MAGI3: variants seen among roughly 807,000 people sequenced by gnomAD.
MAGI3 encodes the protein membrane-associated guanylate kinase, WW and PDZ domain-containing protein 3.
Under a neutral mutation model 121.8 loss-of-function variants are expected in MAGI3, and 43 were observed. The ratio of observed to expected loss-of-function variants is 0.35; its 90% confidence interval spans 0.28 to 0.46. The LOEUF is 0.46. MAGI3 is among the 20% of genes least tolerant of loss of function. The pLI is 1.00. For missense variants in MAGI3, 1,547 were observed against 1,797.3 expected, an observed-to-expected ratio of 0.86 and a Z score of 2.52; for synonymous variants, 553 against 639.3, an observed-to-expected ratio of 0.86 and a Z score of 2.04.
chr1:113,390,548 C>T lies in MAGI3; in HGVS notation c.-486C>T, dbSNP rs945816933. On this transcript the variant is annotated 5_prime_UTR_variant, in exon 1 of 21. Transcript: ENST00000307546. ...GGCAGCTTGGGCAGGCGTTGGTCTC[C>T]GCGCTACAGCTCCGCAGCGGCCACG... 5.3e-5 allele frequency among the ~76,000 whole-genome samples: 8 copies of T among 152,052 alleles called. No individual in the cohort carries two copies. The highest frequency in any genetic ancestry group is 1.9e-4 in the African/African-American group (8 of 41,428).
chr1:113,623,027 G>T, intron 9 of MAGI3, 33 bp downstream of exon 9: 1 of 1,410,058 alleles, frequency 7.1e-7, no homozygotes, highest in Non-Finnish European at 9.3e-7. Flanking sequence ...TTGAAGAGTA[G>T]TGATACTATA....
At position 113,573,642 on chromosome 1, in the gene MAGI3, G is replaced by T. The variant is rs538445944; in HGVS notation, c.434-6900G>T. Reference sequence around the variant, plus strand: ...ATGTGGTTGATTTTAGAATAAGTGTGATGTGCTGAGAAGAATGTATATTCT... The same window carrying T: ...ATGTGGTTGATTTTAGAATAAGTGTTATGTGCTGAGAAGAATGTATATTCT... On this transcript the variant is annotated intron_variant, in intron 2 of 20. Transcript: ENST00000307546. Among the ~76,000 whole-genome samples, 5 of 152,298 alleles carry T rather than the reference G, an allele frequency of 3.3e-5. No homozygotes were observed. In the South Asian group the frequency reaches 1.0e-3, roughly 32 times the overall value.
intron 10 of MAGI3, among the ~76,000 whole-genome samples, chr1:113,643,371 T>C (rs1233043364): frequency 7.9e-5 from 12 of 152,202 alleles, no homozygotes; most frequent in Admixed American, 7.2e-4. Flanking sequence ...TGGAATGTGC[T>C]CCAAGTAAGG....
Position 113,681,231 on chromosome 1 carries a change from C to T in MAGI3, c.3223C>T (p.Pro1075Ser). Residue 1075 changes from proline (P) to serine (S), a missense_variant, in exon 20 of 21, where the codon CCT becomes TCT. By Grantham distance (74) the Pro-to-Ser change is moderately conservative (BLOSUM62 -1). Transcript: ENST00000307546. ...CCAGATTGTTGAAATCAATGGGGAA[C>T]CTACACAAGGAATCACACATACTCG... is the stretch of plus-strand genomic sequence containing the variant. ...GDQIVEINGE[P>S]TQGITHTRAI... is the part of the protein sequence containing the mutation. 6.2e-7 allele frequency: 1 copy of T among 1,613,846 alleles called. No individual in the cohort carries two copies. Among genetic ancestry groups the T allele is most frequent in the East Asian group, 2.2e-5 (1 of 44,836 alleles).
chr1:113,617,560 G>A (rs1050768921), intron 7 of MAGI3, among the ~76,000 whole-genome samples: 8 of 152,000 alleles, frequency 5.3e-5, no homozygotes, highest in Non-Finnish European at 1.0e-4. Context: ...TTTAGGAAAA[G>A]GATTACTCAT....
At chr1:113,603,103 G>A (rs563984614) in intron 6 of MAGI3, among the ~76,000 whole-genome samples, 4 of 146,754 alleles carry the variant, frequency 2.7e-5, no homozygotes, top group Non-Finnish European at 5.9e-5. Context: ...AGCCCAATTC[G>A]AAATGAAAAT....
chr1:113,642,960 G>A lies in MAGI3; in HGVS notation c.1966+444G>A, dbSNP rs769136909. Among the ~76,000 whole-genome samples, 22 of 152,350 alleles carry A rather than the reference G, an allele frequency of 1.4e-4. 1 individual carries two copies. The highest frequency in any genetic ancestry group is 2.5e-4 in the Non-Finnish European group (17 of 68,036). On this transcript the variant is annotated intron_variant, in intron 10 of 20. Coordinates refer to ENST00000307546, the MANE Select transcript of MAGI3 (RefSeq NM_001142782.2). ...ATCTCTGTGGATAAGTAAAATGTTG[G>A]ATGGTGTATTAATCTGTTCTGCAGA...
At chr1:113,475,448 G>A (rs1012308834) in intron 1 of MAGI3, among the ~76,000 whole-genome samples, 9 of 152,278 alleles carry the variant, frequency 5.9e-5, no homozygotes, top group Non-Finnish European at 1.2e-4. Flanking sequence ...TTAGCATGAA[G>A]GGCTGTTGAA....
intron 17 of MAGI3, 104 bp from the exon 18 acceptor site, chr1:113,672,511 G>A: frequency 1.5e-6 from 2 of 1,331,406 alleles, no homozygotes; most frequent in Non-Finnish European, 2.0e-6. Context: ...TTGTCAGAGG[G>A]AAAATGGCAA....
intron 6 of MAGI3, among the ~76,000 whole-genome samples, chr1:113,614,192 G>A (rs1650320648): frequency 6.6e-6 from 1 of 151,874 alleles, no homozygotes; most frequent in South Asian, 2.1e-4. Context: ...AGGAGAAGTG[G>A]GTCTGAACAT....
At chr1:113,675,829 C>G (rs1230658) in intron 19 of MAGI3, among the ~76,000 whole-genome samples, 116,399 of 152,126 alleles carry the variant, frequency 0.77, 45,528 homozygotes, top group African/African-American at 0.9. Flanking sequence ...AATTTCATAT[C>G]GTGACAAGAA....
chr1:113,549,769 G>A, intron 2 of MAGI3, 138 bp downstream of exon 2: 1 of 500,312 alleles, frequency 2.0e-6, no homozygotes, highest in Non-Finnish European at 3.5e-6. Flanking sequence ...ACAAAAATTG[G>A]ATAAGAAGAA....
chr1:113,651,628 G>A (rs1013686404), intron 14 of MAGI3, among the ~76,000 whole-genome samples: 1 of 152,080 alleles, frequency 6.6e-6, no homozygotes, highest in Non-Finnish European at 1.5e-5. Context: ...GAGTAGCTGG[G>A]ATTACAGGCA....
At chr1:113,622,601 T>C (rs959366748) in intron 8 of MAGI3, among the ~76,000 whole-genome samples, 10 of 152,170 alleles carry the variant, frequency 6.6e-5, no homozygotes, top group African/African-American at 2.4e-4. Context: ...TTGAATAGTA[T>C]CCAAACTTTC....
In MAGI3 at chr1:113,391,455, CT is replaced by C; in HGVS notation, c.316+108del. ...CCCACCGCGTATTGTCCCGGGTAAT[CT>C]TAGACCTCTAGGGTGTGCCAGACTC... On this transcript the variant is annotated intron_variant, in intron 1 of 20. Coordinates refer to ENST00000307546, the MANE Select transcript of MAGI3 (RefSeq NM_001142782.2). This position sits in a 1 kb window ranked among gnomAD's most constrained non-coding sequence, Gnocchi z 4.4. The C allele has an allele frequency of 7.8e-7, 1 of 1,280,214 alleles. No homozygotes were observed. Among genetic ancestry groups the C allele is most frequent in the Non-Finnish European group, 1.1e-6 (1 of 917,376 alleles). 79.3% of individuals were successfully genotyped at this position (1,280,214 alleles called of 1,614,324 possible).
rs1352826085 is a variant in MAGI3 at position 113,622,930 on chromosome 1, G to A, written c.1296G>A (p.Glu432=). ...FTIIGGDRPD[E]FLQVKNVLKD... is the part of the protein sequence containing the mutation. ...TTATTGGTGGAGATAGACCTGATGA[G>A]TTCCTACAAGTGAAAAATGTGCTGA... Residue 432 remains glutamate (E), a synonymous_variant, in exon 9 of 21, where the codon GAG becomes GAA. Transcript: ENST00000307546. 6.3e-7 allele frequency: 1 copy of A among 1,580,778 alleles called. No individual in the cohort carries two copies. The highest frequency in any genetic ancestry group is 8.6e-7 in the Non-Finnish European group (1 of 1,169,424).
intron 8 of MAGI3, among the ~76,000 whole-genome samples, chr1:113,622,158 T>C (rs549904622): frequency 2.2e-4 from 34 of 152,332 alleles, no homozygotes; most frequent in South Asian, 1.2e-3. Flanking sequence ...AAATCTTTTT[T>C]ACAGTTAATT....
intron 9 of MAGI3, among the ~76,000 whole-genome samples, chr1:113,639,426 A>G (rs959477255): frequency 6.6e-6 from 1 of 152,006 alleles, no homozygotes; most frequent in African/African-American, 2.4e-5. Context: ...TTTGAGACCA[A>G]ATCTCACTCT....
intron 1 of MAGI3, among the ~76,000 whole-genome samples, chr1:113,520,570 A>T (rs1233183266): frequency 1.3e-5 from 2 of 151,820 alleles, no homozygotes; most frequent in Non-Finnish European, 2.9e-5. Context: ...CTTTTTTTTA[A>T]AAAAAATTTT....
Sources: allele counts gnomAD v4.1 joint callset (sites outside exome capture counted in the v4.1 genomes callset), GRCh38; gene constraint gnomAD v4.1.1; non-coding constraint Gnocchi (gnomAD v3.1); transcripts MANE v1.5; gene names NCBI Gene and HGNC (gene_info 2026-07-23, HGNC 2026-07-21).